The following COL11A1 variants were observed in gnomAD, a reference collection of about 807,000 sequenced individuals.
COL11A1 encodes the protein collagen alpha-1(XI) chain.
In COL11A1, 74 loss-of-function variants were observed where a neutral mutation model predicts 265.2. The observed-to-expected ratio is 0.28, with a 90% CI of 0.23 to 0.34. COL11A1 has a LOEUF of 0.34. Among genes scored for constraint, COL11A1 ranks in the 10% least tolerant of loss-of-function variants. The pLI is 1.00. For missense variants in COL11A1, 2,165 were observed against 2,263.6 expected, an observed-to-expected ratio of 0.96 and a Z score of 0.88; for synonymous variants, 816 against 727.6, an observed-to-expected ratio of 1.12 and a Z score of -1.96.
intron 4 of COL11A1, among the ~76,000 whole-genome samples, chr1:103,049,986 C>T (rs1669663418): frequency 6.6e-6 from 1 of 152,204 alleles, no homozygotes; most frequent in Non-Finnish European, 1.5e-5. Context: ...ATCTGATGGG[C>T]TTCCCTTTGT....
intron 54 of COL11A1, among the ~76,000 whole-genome samples, chr1:102,902,889 C>T (rs1189781781): frequency 6.6e-6 from 1 of 150,714 alleles, no homozygotes; most frequent in Non-Finnish European, 1.5e-5. Flanking sequence ...TATATATATA[C>T]TATATTATAT....
intron 4 of COL11A1, among the ~76,000 whole-genome samples, chr1:103,042,534 G>T (rs938079381): frequency 1.3e-5 from 2 of 152,092 alleles, no homozygotes; most frequent in Non-Finnish European, 1.5e-5. Context: ...AGACTCTCCC[G>T]CAGGTTGGTT....
chr1:103,003,070 A>G, intron 21 of COL11A1, 145 bp downstream of exon 21: 1 of 839,482 alleles, frequency 1.2e-6, no homozygotes, highest in Non-Finnish European at 2.0e-6. Flanking sequence ...GGGAATGATG[A>G]GTTAAAGTGA....
At chr1:103,099,605 G>T (rs1674073078) in intron 1 of COL11A1, among the ~76,000 whole-genome samples, 2 of 151,570 alleles carry the variant, frequency 1.3e-5, no homozygotes, top group African/African-American at 4.8e-5. Context: ...TATTTCCAAT[G>T]ATCGATTTTA....
intron 1 of COL11A1, among the ~76,000 whole-genome samples, chr1:103,095,941 A>G (rs1185789938): frequency 1.3e-5 from 2 of 152,096 alleles, no homozygotes; most frequent in African/African-American, 4.8e-5. Flanking sequence ...AACAAGAGTG[A>G]AAGAGCTGTG....
intron 46 of COL11A1, among the ~76,000 whole-genome samples, chr1:102,926,704 T>G (rs1020192176): frequency 6.6e-6 from 1 of 152,182 alleles, no homozygotes; most frequent in Non-Finnish European, 1.5e-5. Context: ...TTTATAAACA[T>G]AATCTACAAG....
rs4013849 is a variant in COL11A1, at chr1:103,006,526, A to ATTTTTTTTTTTT, written c.1684-223_1684-212dup. ...ATACCTATTTTTTCTAAATGGCTCC[A>ATTTTTTTTTTTT]TTTTTTTTTTTTTTTTTTTTTTTTT... On this transcript the variant is annotated intron_variant, in intron 15 of 66. Coordinates refer to ENST00000370096, the MANE Select transcript of COL11A1 (RefSeq NM_001854.4). Among the ~76,000 whole-genome samples the ATTTTTTTTTTTT allele has an allele frequency of 9.0e-4, 75 of 82,884 alleles. 4 individuals carry two copies. Among genetic ancestry groups the ATTTTTTTTTTTT allele is most frequent in the Non-Finnish European group, 1.2e-3 (58 of 47,228 alleles). The allele number at this position is 82,884 out of a possible 152,430, so 54.4% of individuals were successfully genotyped here.
At chr1:102,990,343 TA>T (rs34757169) in intron 28 of COL11A1, among the ~76,000 whole-genome samples, 96,165 of 151,582 alleles carry the variant, frequency 0.63, 33,153 homozygotes, top group East Asian at 0.98. Flanking sequence ...TATTTTTTTT[TA>T]AAATCATGTC....
intron 4 of COL11A1, among the ~76,000 whole-genome samples, chr1:103,060,140 C>T (rs999950343): frequency 5.3e-5 from 8 of 152,014 alleles, no homozygotes; most frequent in African/African-American, 9.6e-5. Flanking sequence ...CCTATACAAG[C>T]GAAGATAAGA....
chr1:103,040,120 TAA>T (rs1341800577), intron 4 of COL11A1, among the ~76,000 whole-genome samples: 1 of 152,062 alleles, frequency 6.6e-6, no homozygotes, highest in Non-Finnish European at 1.5e-5. Context: ...ATTGTGCTAG[TAA>T]AAGATTAAAA....
chr1:103,025,913 C>T lies in COL11A1; in HGVS notation c.898-300G>A, dbSNP rs762327946. ...TTGGATTTTTCCTTTGATTTAGTAGCCACTGTCCTCATCTTCTTTTTGAAA... is the reference window on the plus strand; with the variant it reads ...TTGGATTTTTCCTTTGATTTAGTAGTCACTGTCCTCATCTTCTTTTTGAAA... On this transcript the variant is annotated intron_variant, in intron 6 of 66. Coordinates refer to ENST00000370096, the MANE Select transcript of COL11A1 (RefSeq NM_001854.4). The T allele has an allele frequency of 2.5e-6, 4 of 1,612,308 alleles. No individual in the cohort carries two copies. Among genetic ancestry groups the T allele is most frequent in the Non-Finnish European group, 3.4e-6 (4 of 1,179,338 alleles).
At chr1:102,935,451 A>T (rs1167518002) in intron 44 of COL11A1, among the ~76,000 whole-genome samples, 1 of 152,182 alleles carries the variant, frequency 6.6e-6, no homozygotes, top group African/African-American at 2.4e-5. Context: ...CTTTAATGAG[A>T]TAAATATGAT....
At chr1:102,950,275 T>C (rs1396260910) in intron 41 of COL11A1, among the ~76,000 whole-genome samples, 1 of 152,180 alleles carries the variant, frequency 6.6e-6, no homozygotes, top group Non-Finnish European at 1.5e-5. Flanking sequence ...AGAGCAGGAC[T>C]CTGTCTCGAA....
intron 38 of COL11A1, 21 bp from the exon 39 acceptor site, chr1:102,962,781 C>A (rs747292411): frequency 6.3e-7 from 1 of 1,597,858 alleles, no homozygotes; most frequent in Non-Finnish European, 8.6e-7. Context: ...TAAGCAAAAT[C>A]ACTTTAGATT....
At chr1:103,025,781 A>G in intron 6 of COL11A1, 168 bp from the exon 7 acceptor site, 2 of 1,612,118 alleles carry the variant, frequency 1.2e-6, no homozygotes, top group Non-Finnish European at 1.7e-6. Flanking sequence ...ATAGATCTTG[A>G]TTGCTTTTTC....
intron 11 of COL11A1, 82 bp downstream of exon 11, chr1:103,017,736 CAT>C (rs1345389171): frequency 6.7e-6 from 8 of 1,192,222 alleles, no homozygotes; most frequent in Non-Finnish European, 1.0e-5. Context: ...AGTAAGATAA[CAT>C]GTTATACTTG....
At chr1:103,096,989 G>A (rs776045504) in intron 1 of COL11A1, among the ~76,000 whole-genome samples, 19 of 152,012 alleles carry the variant, frequency 1.2e-4, no homozygotes, top group Middle Eastern at 3.4e-3. Flanking sequence ...CATGACCATA[G>A]CTCCATATAA....
intron 54 of COL11A1, among the ~76,000 whole-genome samples, chr1:102,909,012 GA>G (rs1417293084): frequency 1.3e-5 from 2 of 151,988 alleles, no homozygotes; most frequent in Non-Finnish European, 2.9e-5. Flanking sequence ...AATTTTGGAT[GA>G]AAAAATAATT....
chr1:103,002,647 A>G (rs893872522), intron 22 of COL11A1, 100 bp downstream of exon 22: 9 of 1,211,948 alleles, frequency 7.4e-6, no homozygotes, highest in African/African-American at 1.5e-5. Context: ...TATACTTAGC[A>G]AAATGTAATA....
Sources: allele counts gnomAD v4.1 joint callset (sites outside exome capture counted in the v4.1 genomes callset), GRCh38; gene constraint gnomAD v4.1.1; transcripts MANE v1.5; gene names NCBI Gene and HGNC (gene_info 2026-07-23, HGNC 2026-07-21).